GRM5: variants seen among roughly 807,000 people sequenced by gnomAD.
The protein encoded by GRM5 is glutamate metabotropic receptor 5.
Under a neutral mutation model 83.1 loss-of-function variants are expected in GRM5, and 19 were observed. The observed-to-expected ratio is 0.23, with a 90% CI of 0.16 to 0.34. The LOEUF is 0.34. Among genes scored for constraint, GRM5 ranks in the 10% least tolerant of loss-of-function variants. The probability of loss-of-function intolerance (pLI) is 1.00; values close to 1 mark genes in which losing one functional copy is unlikely to be tolerated. For synonymous variants in GRM5, 675 were observed against 633.6 expected (o/e 1.07, Z -0.98); for missense variants, 1,160 against 1,588.3 (o/e 0.73, Z 4.58).
intron 4 of GRM5, among the ~76,000 whole-genome samples, chr11:88,616,312 C>T (rs1394163310): frequency 6.7e-6 from 1 of 148,530 alleles, no homozygotes; most frequent in Non-Finnish European, 1.5e-5. Flanking sequence ...AAAAGAAATG[C>T]TGAAACATAA....
At chr11:88,983,425 C>G (rs951067505) in intron 2 of GRM5, among the ~76,000 whole-genome samples, 1 of 152,066 alleles carries the variant, frequency 6.6e-6, no homozygotes, top group Non-Finnish European at 1.5e-5. Flanking sequence ...AAAGGTGATC[C>G]CATAAGATTA....
chr11:88,747,260 T>C (rs1470954887), intron 3 of GRM5, among the ~76,000 whole-genome samples: 2 of 152,306 alleles, frequency 1.3e-5, no homozygotes, highest in South Asian at 2.1e-4. Context: ...GCATGTGGTT[T>C]TCACCATGTC....
chr11:88,729,727 C>G (rs910260137), intron 3 of GRM5, among the ~76,000 whole-genome samples: 17 of 152,110 alleles, frequency 1.1e-4, no homozygotes, highest in African/African-American at 3.4e-4. Context: ...CATCACACAT[C>G]TACAGCCATC....
intron 2 of GRM5, among the ~76,000 whole-genome samples, chr11:89,026,302 C>T (rs1941129150): frequency 6.6e-6 from 1 of 152,102 alleles, no homozygotes; most frequent in South Asian, 2.1e-4. Flanking sequence ...CATGTACCCC[C>T]TGAACCTAAA....
intron 3 of GRM5, among the ~76,000 whole-genome samples, chr11:88,739,310 G>C (rs1941981477): frequency 1.3e-5 from 2 of 151,838 alleles, no homozygotes; most frequent in African/African-American, 2.4e-5. Context: ...TCAACACCAG[G>C]GAACACCATT....
intron 2 of GRM5, among the ~76,000 whole-genome samples, chr11:89,033,257 A>T (rs540722597): frequency 4.6e-5 from 7 of 152,114 alleles, no homozygotes; most frequent in African/African-American, 1.7e-4. Context: ...GCCCAAGGTC[A>T]TCCCAAAGTG....
intron 3 of GRM5, among the ~76,000 whole-genome samples, chr11:88,769,677 A>G (rs938079377): frequency 6.6e-6 from 1 of 152,102 alleles, no homozygotes; most frequent in Non-Finnish European, 1.5e-5. Flanking sequence ...GTGGACAAAG[A>G]TTGACAATTT....
rs1941154922 is a variant in GRM5 at position 88,505,284 on chromosome 11, A to C, written c.*3308T>G. ...CTCACATAATACCTTTGAAGTCTCC[A>C]AAACATGTACATTTTACTGGGAGAC... On this transcript the variant is annotated 3_prime_UTR_variant, in exon 10 of 10. Coordinates refer to ENST00000305447, the MANE Select transcript of GRM5 (RefSeq NM_001143831.3). 6.6e-6 allele frequency: 1 copy of C among 152,250 alleles called. No homozygotes were observed. 9.4% of individuals were successfully genotyped at this position (152,250 alleles called of 1,614,324 possible).
intron 3 of GRM5, among the ~76,000 whole-genome samples, chr11:88,786,049 C>G (rs1011492430): frequency 6.6e-6 from 1 of 152,094 alleles, no homozygotes; most frequent in African/African-American, 2.4e-5. Context: ...TGCTTTTATA[C>G]TCATGTGTCC....
chr11:88,993,672 A>C (rs1353187599), intron 2 of GRM5, among the ~76,000 whole-genome samples: 1 of 152,126 alleles, frequency 6.6e-6, no homozygotes. Context: ...AGATATGAGA[A>C]CTATAAATGA....
rs1941298029 is a variant in GRM5, at chr11:88,509,372, G to A, written c.2859C>T (p.Pro953=). The change falls in exon 10 of 10, where the codon CCC becomes CCT. Residue 953 remains proline, a synonymous_variant. Coordinates refer to ENST00000305447, the MANE Select transcript of GRM5 (RefSeq NM_001143831.3). ...CCAGGCCACGGCTCTCCGTGCTCTTGGGGAAGGGCTTGATGACGGCCGTTT... is the reference window on the plus strand; with the variant it reads ...CCAGGCCACGGCTCTCCGTGCTCTTAGGGAAGGGCTTGATGACGGCCGTTT... ...PNQTAVIKPF[P]KSTESRGLGA... The A allele has an allele frequency of 6.2e-7, 1 of 1,612,182 alleles. No homozygotes were observed.
In GRM5 at chr11:88,991,328, G is replaced by T. The variant is rs1939960805; in HGVS notation, c.661+55884C>A. Among the ~76,000 whole-genome samples, 3 of 151,936 alleles carry T rather than the reference G, an allele frequency of 2.0e-5. No individual in the cohort carries two copies. The South Asian group carries it at 6.2e-4, about 32-fold the overall frequency. On this transcript the variant is annotated intron_variant, in intron 2 of 9. Transcript: ENST00000305447. ...AAGGGATGTGAAGGACCTCTTCAAGGAGAACTACAAACCACTGCTCAAGGA... is the reference window on the plus strand; with the variant it reads ...AAGGGATGTGAAGGACCTCTTCAAGTAGAACTACAAACCACTGCTCAAGGA...
intron 3 of GRM5, among the ~76,000 whole-genome samples, chr11:88,810,222 A>G (rs1246291598): frequency 1.3e-5 from 2 of 152,116 alleles, no homozygotes; most frequent in Non-Finnish European, 2.9e-5. Context: ...TATGTATGGC[A>G]GTAACACTGA....
chr11:88,630,816 G>A (rs181327823), intron 4 of GRM5, among the ~76,000 whole-genome samples: 1 of 152,236 alleles, frequency 6.6e-6, no homozygotes, highest in Non-Finnish European at 1.5e-5. Context: ...GACCTCAGGT[G>A]ATTTGCCCAC....
intron 3 of GRM5, among the ~76,000 whole-genome samples, chr11:88,724,586 A>C (rs1941630398): frequency 6.6e-6 from 1 of 152,142 alleles, no homozygotes. Flanking sequence ...TACTGCATGA[A>C]TGGATGGATA....
chr11:89,055,082 C>T (rs934550735), intron 1 of GRM5, among the ~76,000 whole-genome samples: 10 of 152,304 alleles, frequency 6.6e-5, no homozygotes, highest in South Asian at 2.1e-4. Flanking sequence ...AAGTTAGGCT[C>T]TTGTCCAAGT....
At chr11:88,837,647 T>C (rs1006026419) in intron 3 of GRM5, among the ~76,000 whole-genome samples, 4 of 152,172 alleles carry the variant, frequency 2.6e-5, no homozygotes, top group African/African-American at 9.7e-5. Flanking sequence ...GTTGGTTTCA[T>C]CCTGGACATA....
intron 2 of GRM5, among the ~76,000 whole-genome samples, chr11:88,988,611 A>G (rs1432101194): frequency 1.3e-5 from 2 of 150,962 alleles, no homozygotes; most frequent in East Asian, 3.9e-4. Context: ...AGCCAGAGAG[A>G]AAGGTCGGGT....
intron 3 of GRM5, among the ~76,000 whole-genome samples, chr11:88,694,311 G>A (rs1044516755): frequency 3.9e-5 from 6 of 152,058 alleles, no homozygotes; most frequent in Non-Finnish European, 7.3e-5. Flanking sequence ...CACACCGTTA[G>A]GTCTCCTATA....
Sources: allele counts gnomAD v4.1 joint callset (sites outside exome capture counted in the v4.1 genomes callset), GRCh38; gene constraint gnomAD v4.1.1; transcripts MANE v1.5; gene names NCBI Gene and HGNC (gene_info 2026-07-23, HGNC 2026-07-21).